Variants in SERPINB2 observed in about 807,000 individuals in gnomAD.
SERPINB2 encodes serpin family B member 2, also known as plasminogen activator inhibitor 2.
In SERPINB2, 28 loss-of-function variants were observed where a neutral mutation model predicts 39.4. The observed-to-expected ratio is 0.71, with a 90% CI of 0.53 to 0.97. The LOEUF (loss-of-function observed/expected upper bound fraction) is 0.97, where lower values mean the gene tolerates loss of function less well. Ranked by LOEUF, SERPINB2 falls within the 50% of genes least tolerant of loss-of-function variation. The pLI is 0.00. For missense variants in SERPINB2, 557 were observed against 505.3 expected (o/e 1.10, Z -0.98); for synonymous variants, 209 against 175.1 (o/e 1.19, Z -1.53).
At chr18:63,897,037 A>G in intron 3 of SERPINB2, 54 bp from the exon 4 acceptor site, 1 of 1,545,072 alleles carries the variant, frequency 6.5e-7, no homozygotes, top group South Asian at 1.2e-5. Flanking sequence ...CTTAAGAACT[A>G]TCTTGTTTAG....
At chr18:63,897,908 C>T (rs974997241) in intron 5 of SERPINB2, 64 bp downstream of exon 5, 7 of 1,134,196 alleles carry the variant, frequency 6.2e-6, no homozygotes, top group Non-Finnish European at 7.8e-6. Context: ...TATCTTTTTC[C>T]ATCCATGAAC....
At chr18:63,898,977 T>G (rs538396448) in intron 5 of SERPINB2, among the ~76,000 whole-genome samples, 126 of 152,332 alleles carry the variant, frequency 8.3e-4, no homozygotes, top group Non-Finnish European at 1.6e-3. Context: ...GACCTCCTAC[T>G]GTCCTCAGGA....
intron 4 of SERPINB2, 135 bp downstream of exon 4, chr18:63,897,354 C>A (rs1222753520): frequency 2.1e-5 from 21 of 1,014,700 alleles, no homozygotes; most frequent in Non-Finnish European, 2.8e-5. Flanking sequence ...GCTGGCCTTG[C>A]GTAACAGCTG....
intron 5 of SERPINB2, 96 bp from the exon 6 acceptor site, chr18:63,901,644 T>C: frequency 1.2e-6 from 1 of 841,598 alleles, no homozygotes; most frequent in Non-Finnish European, 1.7e-6. Flanking sequence ...AACTCTGCAA[T>C]TTGAAGAATT....
intron 5 of SERPINB2, among the ~76,000 whole-genome samples, chr18:63,898,523 A>C (rs2049974276): frequency 6.6e-6 from 1 of 152,172 alleles, no homozygotes; most frequent in African/African-American, 2.4e-5. Flanking sequence ...AAGTTCATTC[A>C]CTTAGTCAAC....
At chr18:63,893,389 A>C (rs182446036) in intron 2 of SERPINB2, among the ~76,000 whole-genome samples, 16 of 152,302 alleles carry the variant, frequency 1.1e-4, no homozygotes, top group Non-Finnish European at 1.9e-4. Context: ...TCTGTGTCTA[A>C]GAAGTGCTTT....
At chr18:63,890,112 G>C (rs2049916295) in intron 1 of SERPINB2, 1 of 152,174 alleles carries the variant, frequency 6.6e-6, no homozygotes, top group African/African-American at 2.4e-5. Flanking sequence ...GAGTTTTAGG[G>C]ATACGTTTTA....
intron 1 of SERPINB2, among the ~76,000 whole-genome samples, chr18:63,888,931 G>A (rs2049908781): frequency 4.6e-5 from 7 of 152,158 alleles, no homozygotes; most frequent in Admixed American, 4.6e-4. Context: ...TGTTTTGAAA[G>A]ATTTTCATTC....
rs6102 is a variant in SERPINB2, at chr18:63,903,236, T to A, written c.1179T>A (p.Pro393=). ...GCCCACAGTTTGTGGCAGATCATCCTTTTCTTTTTCTTATTATGCATAAGA... is the reference window on the plus strand; with the variant it reads ...GCCCACAGTTTGTGGCAGATCATCCATTTCTTTTTCTTATTATGCATAAGA... The part of the protein sequence containing the change: ...HGGPQFVADH[P]FLFLIMHKIT... The change falls in exon 8 of 8, where the codon CCT becomes CCA. Residue 393 remains proline (P), a synonymous_variant. Transcript: ENST00000299502. The A allele has an allele frequency of 5.6e-6, 9 of 1,597,204 alleles. No individual in the cohort carries two copies. In the East Asian group the frequency reaches 6.7e-5, roughly 12 times the overall value.
At chr18:63,898,629 G>A (rs2049974828) in intron 5 of SERPINB2, among the ~76,000 whole-genome samples, 1 of 152,152 alleles carries the variant, frequency 6.6e-6, no homozygotes. Flanking sequence ...ATAGAGGAGG[G>A]ATTCAGTCAT....
At chr18:63,898,559 T>C (rs1196148160) in intron 5 of SERPINB2, among the ~76,000 whole-genome samples, 1 of 152,218 alleles carries the variant, frequency 6.6e-6, no homozygotes, top group Non-Finnish European at 1.5e-5. Flanking sequence ...ACACACCATA[T>C]TCCAGAAACT....
In SERPINB2 at chr18:63,895,346, A is replaced by C. The variant is rs200387636; in HGVS notation, c.251A>C (p.Gln84Pro). The C allele has an allele frequency of 8.9e-5, 144 of 1,614,028 alleles. No individual in the cohort carries two copies. Among genetic ancestry groups the C allele is most frequent in the South Asian group, 2.0e-4 (18 of 91,078 alleles). The part of the protein sequence containing the change: ...ENFTSCGFMQ[Q>P]IQKGSYPDAI... Reference sequence around the variant, plus strand: ...TTTACCAGCTGTGGGTTCATGCAGCAGATCCAGAAGGGTAGTTATCCTGAT... The same window carrying C: ...TTTACCAGCTGTGGGTTCATGCAGCCGATCCAGAAGGGTAGTTATCCTGAT... Residue 84 changes from glutamine (Q) to proline (P), a missense_variant, in exon 3 of 8, where the codon CAG becomes CCG. Coordinates refer to ENST00000299502, the MANE Select transcript of SERPINB2 (RefSeq NM_002575.3).
chr18:63,899,881 A>G (rs1424783953), intron 5 of SERPINB2, among the ~76,000 whole-genome samples: 1 of 152,166 alleles, frequency 6.6e-6, no homozygotes, highest in African/African-American at 2.4e-5. Context: ...ATATATATTT[A>G]TTTGTTTATC....
chr18:63,903,316 G>A lies in SERPINB2; in HGVS notation c.*11G>A. 1 of 1,474,864 alleles carries A rather than the reference G, an allele frequency of 6.8e-7. No homozygotes were observed. Among genetic ancestry groups the A allele is most frequent in the Non-Finnish European group, 9.0e-7 (1 of 1,113,042 alleles). The allele number at this position is 1,474,864 out of a possible 1,614,324, so 91.4% of individuals were successfully genotyped here. The stretch of plus-strand genomic sequence containing the variant: ...TTTTCCTCACCCTAAAACTAAGCGT[G>A]CTGCTTCTGCAAAAGATTTTTGTAG... On this transcript the variant is annotated 3_prime_UTR_variant, in exon 8 of 8. Transcript: ENST00000299502.
At chr18:63,902,873 G>GT in intron 7 of SERPINB2, 28 bp from the exon 8 acceptor site, 4 of 1,518,644 alleles carry the variant, frequency 2.6e-6, no homozygotes, top group Non-Finnish European at 8.8e-7. Context: ...ATTTTCTTTT[G>GT]TTTGTTTTGT....
chr18:63,897,058 T>G, intron 3 of SERPINB2, 33 bp from the exon 4 acceptor site: 1 of 1,601,142 alleles, frequency 6.2e-7, no homozygotes, highest in South Asian at 1.1e-5. Context: ...TAGTTCTGTG[T>G]TATATATAAA....
intron 1 of SERPINB2, chr18:63,889,731 T>C (rs979832073): frequency 2.9e-5 from 4 of 137,082 alleles, no homozygotes; most frequent in Non-Finnish European, 6.1e-5. Context: ...CTAGTATCTA[T>C]GATGAAGCAA....
At chr18:63,897,585 A>G in intron 4 of SERPINB2, 142 bp from the exon 5 acceptor site, 2 of 734,378 alleles carry the variant, frequency 2.7e-6, no homozygotes, top group East Asian at 5.0e-5. Flanking sequence ...TTCCCCCTTC[A>G]GCACCTGCCT....
intron 2 of SERPINB2, among the ~76,000 whole-genome samples, chr18:63,894,492 G>A (rs1288383917): frequency 6.6e-6 from 1 of 152,140 alleles, no homozygotes; most frequent in Non-Finnish European, 1.5e-5. Context: ...GGGAGGTGCT[G>A]CAGGACCAAG....
Sources: allele counts gnomAD v4.1 joint callset (sites outside exome capture counted in the v4.1 genomes callset), GRCh38; gene constraint gnomAD v4.1.1; transcripts MANE v1.5; gene names NCBI Gene and HGNC (gene_info 2026-07-23, HGNC 2026-07-21).